Variants in CDH8 observed in about 807,000 individuals in gnomAD.
The protein encoded by CDH8 is cadherin-8.
A neutral mutation model predicts 68.1 loss-of-function variants in CDH8; 17 were observed. That is an observed-to-expected ratio of 0.25 (90% CI 0.17 to 0.37). The LOEUF is 0.37. CDH8 is among the 10% of genes least tolerant of loss of function. The pLI, the probability that CDH8 is intolerant of heterozygous loss-of-function variation, is 1.00. For missense variants in CDH8, 763 were observed against 999.3 expected (o/e 0.76, Z 3.19); for synonymous variants, 372 against 365.1 (o/e 1.02, Z -0.21).
At chr16:61,676,221 A>C (rs1242396807) in intron 10 of CDH8, among the ~76,000 whole-genome samples, 1 of 144,886 alleles carries the variant, frequency 6.9e-6, no homozygotes, top group African/African-American at 2.6e-5. Flanking sequence ...AATTGCAAAA[A>C]AGAAAAAAAT....
chr16:61,712,352 A>G (rs566710862), intron 10 of CDH8, among the ~76,000 whole-genome samples: 18 of 151,850 alleles, frequency 1.2e-4, no homozygotes, highest in Non-Finnish European at 2.2e-4. Flanking sequence ...CAAGAAGTGT[A>G]TCTTGAAATT....
At chr16:61,832,377 T>C (rs1349027088) in intron 4 of CDH8, among the ~76,000 whole-genome samples, 1 of 139,234 alleles carries the variant, frequency 7.2e-6, no homozygotes, top group East Asian at 2.0e-4. Context: ...GATAGATAGA[T>C]AGATACATAG....
chr16:61,829,957 G>T (rs1036485254), intron 4 of CDH8, among the ~76,000 whole-genome samples: 1 of 151,312 alleles, frequency 6.6e-6, no homozygotes, highest in African/African-American at 2.4e-5. Flanking sequence ...TTCTTTTTGT[G>T]TTGGGCTTAT....
At chr16:61,679,015 A>C (rs1406961159) in intron 10 of CDH8, among the ~76,000 whole-genome samples, 1 of 152,080 alleles carries the variant, frequency 6.6e-6, no homozygotes, top group Non-Finnish European at 1.5e-5. Context: ...CCTTCTAAGG[A>C]AACAGTTGGA....
chr16:62,029,029 T>C (rs911576666), intron 1 of CDH8, among the ~76,000 whole-genome samples: 6 of 152,190 alleles, frequency 3.9e-5, no homozygotes, highest in Non-Finnish European at 7.3e-5. Flanking sequence ...GTTTAGAGCA[T>C]TGACTCTAGA....
chr16:61,917,494 C>G (rs938301974), intron 2 of CDH8, among the ~76,000 whole-genome samples: 2 of 152,088 alleles, frequency 1.3e-5, no homozygotes, highest in African/African-American at 2.4e-5. Flanking sequence ...TTTCTGGGGT[C>G]CCTTGGTAGC....
chr16:61,868,417 T>A (rs1963295162), intron 3 of CDH8, among the ~76,000 whole-genome samples: 1 of 152,224 alleles, frequency 6.6e-6, no homozygotes, highest in South Asian at 2.1e-4. Context: ...TTATGTGTTA[T>A]GTCTACTGTT....
intron 10 of CDH8, among the ~76,000 whole-genome samples, chr16:61,696,233 G>A (rs75175372): frequency 0.029 from 4,485 of 152,238 alleles, 96 homozygotes; most frequent in South Asian, 0.048. Context: ...AGCCTAACTT[G>A]CTTTAAAACG....
intron 3 of CDH8, among the ~76,000 whole-genome samples, chr16:61,885,124 G>A (rs1044827530): frequency 6.6e-6 from 1 of 152,132 alleles, no homozygotes; most frequent in Admixed American, 6.5e-5. Context: ...ATCATGCATT[G>A]TGTATGAGCC....
chr16:61,882,601 C>G (rs940577668), intron 3 of CDH8, among the ~76,000 whole-genome samples: 1 of 152,160 alleles, frequency 6.6e-6, no homozygotes, highest in Non-Finnish European at 1.5e-5. Context: ...GGCCATTATC[C>G]TTGGCAAACA....
At chr16:61,990,963 GAAAGAA>G (rs1286653574) in intron 2 of CDH8, among the ~76,000 whole-genome samples, 3 of 149,932 alleles carry the variant, frequency 2.0e-5, no homozygotes, top group African/African-American at 7.6e-5. Flanking sequence ...AAAAAAGAAA[GAAAGAA>G]AGAGAAAGAA....
intron 2 of CDH8, among the ~76,000 whole-genome samples, chr16:62,003,461 A>G (rs1965926460): frequency 6.6e-6 from 1 of 152,234 alleles, no homozygotes; most frequent in Admixed American, 6.5e-5. Flanking sequence ...TTAATATTTC[A>G]TTATAATTCA....
intron 10 of CDH8, among the ~76,000 whole-genome samples, chr16:61,681,657 G>C (rs1219044409): frequency 6.6e-6 from 1 of 151,640 alleles, no homozygotes; most frequent in African/African-American, 2.4e-5. Flanking sequence ...CACAAAATGG[G>C]CAAATTTTAT....
At chr16:61,667,858 C>T (rs1409658741) in intron 10 of CDH8, 1 of 152,006 alleles carries the variant, frequency 6.6e-6, no homozygotes, top group African/African-American at 2.4e-5. Flanking sequence ...ATGAGATGTT[C>T]AAGGTTTCTC....
rs548149698 is a variant in CDH8, at chr16:61,690,869, C to A, written c.1654+22972G>T. 3.8e-4 allele frequency among the ~76,000 whole-genome samples: 58 copies of A among 151,990 alleles called. 1 individual carries two copies. Among genetic ancestry groups the A allele is most frequent in the Admixed American group, 1.1e-3 (17 of 15,246 alleles). ...CAAGGCTGATTGCAGTCTACAAAAT[C>A]ATTTTAAGAATTACCTCCATGTTGT... On this transcript the variant is annotated intron_variant, in intron 10 of 11. Transcript: ENST00000577390.
chr16:61,934,789 T>C (rs1964602793), intron 2 of CDH8, among the ~76,000 whole-genome samples: 1 of 152,162 alleles, frequency 6.6e-6, no homozygotes, highest in Admixed American at 6.5e-5. Context: ...AATTATTCCA[T>C]GACCACAAGC....
intron 8 of CDH8, among the ~76,000 whole-genome samples, chr16:61,779,139 C>T (rs1379235583): frequency 6.6e-6 from 1 of 152,130 alleles, no homozygotes; most frequent in Non-Finnish European, 1.5e-5. Flanking sequence ...AAATGCCATG[C>T]CAATTGTCTG....
chr16:61,710,935 ACT>A (rs1283360329), intron 10 of CDH8: 2 of 151,828 alleles, frequency 1.3e-5, no homozygotes, highest in African/African-American at 2.4e-5. Flanking sequence ...GGTCAACAAA[ACT>A]CTCTGCTTAT....
rs1001741174 is a variant in CDH8, at chr16:62,011,481, C to A, written c.252+9671G>T. ...TTCCAAAACCTCACTAGGGCTTTTC[C>A]AAACACTAGCCTCCTTGACCCTTTT... On this transcript the variant is annotated intron_variant, in intron 2 of 11. Transcript: ENST00000577390. Among the ~76,000 whole-genome samples the A allele has an allele frequency of 5.3e-5, 8 of 152,276 alleles. No individual in the cohort carries two copies. In the Middle Eastern group the frequency reaches 0.01, roughly 194 times the overall value.
Sources: allele counts gnomAD v4.1 joint callset (sites outside exome capture counted in the v4.1 genomes callset), GRCh38; gene constraint gnomAD v4.1.1; transcripts MANE v1.5; gene names NCBI Gene and HGNC (gene_info 2026-07-23, HGNC 2026-07-21).